The following TMED3 variants were observed in gnomAD, a reference collection of about 807,000 sequenced individuals.
The protein encoded by TMED3 is transmembrane emp24 domain-containing protein 3.
Under a neutral mutation model 15.0 loss-of-function variants are expected in TMED3, and 9 were observed. The observed-to-expected ratio is 0.60, with a 90% CI of 0.36 to 1.04. TMED3 has a LOEUF of 1.04. Ranked by LOEUF, TMED3 falls within the 50% of genes least tolerant of loss-of-function variation. The pLI is 0.01. For synonymous variants in TMED3, 117 were observed against 121.4 expected (o/e 0.96, Z 0.24); for missense variants, 267 against 278.9 (o/e 0.96, Z 0.30).
intron 2 of TMED3, among the ~76,000 whole-genome samples, chr15:79,362,302 T>TAAA (rs55882848): frequency 2.2e-5 from 3 of 135,034 alleles, no homozygotes; most frequent in East Asian, 2.1e-4. Context: ...CTTGCCTCTA[T>TAAA]AAAAAAAAAA....
intron 2 of TMED3, among the ~76,000 whole-genome samples, chr15:79,408,811 GA>G (rs1282955828): frequency 1.3e-5 from 2 of 152,174 alleles, no homozygotes; most frequent in African/African-American, 4.8e-5. Context: ...GAAGGGCATA[GA>G]AGTACCACAT....
chr15:79,357,735 G>T (rs1170934943), intron 2 of TMED3, among the ~76,000 whole-genome samples: 1 of 152,092 alleles, frequency 6.6e-6, no homozygotes, highest in African/African-American at 2.4e-5. Flanking sequence ...TGCAAAGGCA[G>T]TTGGAAGAAC....
chr15:79,342,161 A>T (rs141072287), intron 2 of TMED3, among the ~76,000 whole-genome samples: 1 of 152,238 alleles, frequency 6.6e-6, no homozygotes, highest in Non-Finnish European at 1.5e-5. Flanking sequence ...AGCAATAAAG[A>T]TAGGATAAAA....
intron 2 of TMED3, among the ~76,000 whole-genome samples, chr15:79,404,389 CCCCATGCCATGGGG>C (rs911869420): frequency 4.6e-5 from 7 of 152,146 alleles, no homozygotes; most frequent in African/African-American, 1.7e-4. Flanking sequence ...ATGAGAGGGA[CCCCATGCCATGGGG>C]CCCATTTGTA....
At chr15:79,410,410 A>T (rs1208380902) in intron 2 of TMED3, among the ~76,000 whole-genome samples, 3 of 152,272 alleles carry the variant, frequency 2.0e-5, no homozygotes, top group African/African-American at 7.2e-5. Flanking sequence ...ATCTAATTGC[A>T]TCTTCCTAAT....
rs137879073 is a variant in TMED3, at chr15:79,382,740, G to A, written c.418-28660G>A. On this transcript the variant is annotated intron_variant, in intron 2 of 2. Coordinates refer to the TMED3 transcript ENST00000424155. Reference sequence around the variant, plus strand: ...TTCACTCTGAACTTCTACCAGTATGGCTAATGGCTTTTTCAGCCACCTATC... The same window carrying A: ...TTCACTCTGAACTTCTACCAGTATGACTAATGGCTTTTTCAGCCACCTATC... Among the ~76,000 whole-genome samples the A allele has an allele frequency of 3.8e-3, 577 of 152,200 alleles. 4 individuals are homozygous for A. The highest frequency in any genetic ancestry group is 0.013 in the African/African-American group (554 of 41,504).
chr15:79,331,010 T>C (rs2058806213), intron 2 of TMED3, among the ~76,000 whole-genome samples: 1 of 152,204 alleles, frequency 6.6e-6, no homozygotes. Context: ...TAGCATCTGT[T>C]TCTGGGGAGG....
intron 2 of TMED3, among the ~76,000 whole-genome samples, chr15:79,407,592 A>G (rs538134516): frequency 2.6e-5 from 4 of 152,296 alleles, no homozygotes; most frequent in East Asian, 3.9e-4. Flanking sequence ...TTGGCCAACT[A>G]TACAGCCCAA....
intron 2 of TMED3, among the ~76,000 whole-genome samples, chr15:79,380,404 ATATATATATAGTTATATATAGT>A (rs1399568517): frequency 0.018 from 2,671 of 145,278 alleles, 88 homozygotes; most frequent in African/African-American, 0.064. Context: ...AGAGTCTCAA[ATATATATATAGTTATATATAGT>A]TATATATATA....
chr15:79,327,368 A>G (rs566874196), downstream of TMED3, among the ~76,000 whole-genome samples: 4 of 152,316 alleles, frequency 2.6e-5, no homozygotes, highest in African/African-American at 9.6e-5. Flanking sequence ...TGTTATTTAT[A>G]TGTCACCCAA....
At chr15:79,325,261 T>C (rs1187560584), downstream of TMED3, among the ~76,000 whole-genome samples, 1 of 152,172 alleles carries the variant, frequency 6.6e-6, no homozygotes, top group Non-Finnish European at 1.5e-5. Context: ...TAATTATGGA[T>C]CTGCACTGGC....
chr15:79,319,575 A>C (rs750697585), intron 2 of TMED3, among the ~76,000 whole-genome samples: 6 of 152,194 alleles, frequency 3.9e-5, no homozygotes, highest in Non-Finnish European at 8.8e-5. Flanking sequence ...GTAGAAATAA[A>C]GACATAAGAC....
chr15:79,358,293 G>T (rs1276599392), intron 2 of TMED3, among the ~76,000 whole-genome samples: 4 of 152,222 alleles, frequency 2.6e-5, no homozygotes, highest in Non-Finnish European at 5.9e-5. Context: ...AGGACTTGAG[G>T]CCAGCACCTT....
chr15:79,368,506 A>G (rs1893280147), intron 2 of TMED3, among the ~76,000 whole-genome samples: 2 of 152,168 alleles, frequency 1.3e-5, no homozygotes, highest in Admixed American at 1.3e-4. Flanking sequence ...CTATGATAGG[A>G]CTTGGGCTTG....
At chr15:79,385,798 C>A (rs1277262398) in intron 2 of TMED3, among the ~76,000 whole-genome samples, 10 of 152,212 alleles carry the variant, frequency 6.6e-5, no homozygotes, top group African/African-American at 1.9e-4. Context: ...GGAGCTGAAC[C>A]CCCAACTTAG....
At chr15:79,411,294 T>C in intron 2 of TMED3, 1 of 628,316 alleles carries the variant, frequency 1.6e-6, no homozygotes, top group South Asian at 1.8e-5. Flanking sequence ...ACAAAGGGGC[T>C]AGGCAATCAA....
intron 2 of TMED3, among the ~76,000 whole-genome samples, chr15:79,395,555 C>A (rs11072841): frequency 0.46 from 69,520 of 152,000 alleles, 16,847 homozygotes; most frequent in Middle Eastern, 0.62. Flanking sequence ...AGACATTTTT[C>A]TTCTTCCCCC....
rs543981677 is a variant in TMED3 at position 79,377,122 on chromosome 15, T to A, written c.418-34278T>A. Among the ~76,000 whole-genome samples the A allele has an allele frequency of 5.3e-5, 8 of 152,314 alleles. No homozygotes were observed. The East Asian group carries it at 1.3e-3, about 26-fold the overall frequency. On this transcript the variant is annotated intron_variant, in intron 2 of 2. Coordinates refer to the TMED3 transcript ENST00000424155. ...GTACAGAATATCTAAATGAACAAGA[T>A]CACTCTTTTATTTGCAATTTTAGGT...
intron 2 of TMED3, among the ~76,000 whole-genome samples, chr15:79,400,668 G>A (rs759383616): frequency 1.3e-5 from 2 of 152,162 alleles, no homozygotes; most frequent in African/African-American, 4.8e-5. Flanking sequence ...ACAATTTTGT[G>A]TATATAACAA....
Sources: allele counts gnomAD v4.1 joint callset (sites outside exome capture counted in the v4.1 genomes callset), GRCh38; gene constraint gnomAD v4.1.1; transcripts MANE v1.5; gene names NCBI Gene and HGNC (gene_info 2026-07-23, HGNC 2026-07-21).